The following BTBD9 variants were observed in gnomAD, a reference collection of about 807,000 sequenced individuals.
BTBD9 encodes the protein BTB domain containing 9.
In BTBD9, 49 loss-of-function variants were observed where a neutral mutation model predicts 64.3. The observed-to-expected ratio is 0.76, with a 90% CI of 0.61 to 0.97. The LOEUF is 0.97. Among genes scored for constraint, BTBD9 ranks in the 50% least tolerant of loss-of-function variants. The probability of loss-of-function intolerance (pLI) is 0.00; values close to 1 mark genes in which losing one functional copy is unlikely to be tolerated. For missense variants in BTBD9, 598 were observed against 762.1 expected (o/e 0.78, Z 2.53); for synonymous variants, 260 against 274.7 (o/e 0.95, Z 0.53).
At chr6:38,369,956 G>T (rs1012044550) in intron 6 of BTBD9, among the ~76,000 whole-genome samples, 7 of 151,976 alleles carry the variant, frequency 4.6e-5, no homozygotes, top group Non-Finnish European at 8.8e-5. Flanking sequence ...TGACAGAGAG[G>T]AGACTACACA....
chr6:38,335,891 A>G (rs1156354479), intron 7 of BTBD9, among the ~76,000 whole-genome samples: 4 of 151,778 alleles, frequency 2.6e-5, no homozygotes, highest in Non-Finnish European at 5.9e-5. Flanking sequence ...CCGCCACCAC[A>G]CCTGGCTAAT....
At chr6:38,211,935 T>C (rs1393988553) in intron 9 of BTBD9, among the ~76,000 whole-genome samples, 4 of 152,228 alleles carry the variant, frequency 2.6e-5, no homozygotes, top group Non-Finnish European at 5.9e-5. Flanking sequence ...CACCACTGTG[T>C]TGAGTCCACC....
chr6:38,522,754 T>A (rs189520015), intron 6 of BTBD9, among the ~76,000 whole-genome samples: 1 of 152,138 alleles, frequency 6.6e-6, no homozygotes, highest in Admixed American at 6.5e-5. Context: ...GGATTTCCAA[T>A]TGGCCTTTCA....
At chr6:38,482,466 T>G (rs1771199440) in intron 6 of BTBD9, 2 of 151,860 alleles carry the variant, frequency 1.3e-5, no homozygotes, top group African/African-American at 4.8e-5. Context: ...TCAGTAACAA[T>G]GTATTCCACT....
At chr6:38,292,644 C>T (rs2127558044) in intron 7 of BTBD9, among the ~76,000 whole-genome samples, 1 of 152,284 alleles carries the variant, frequency 6.6e-6, no homozygotes, top group East Asian at 1.9e-4. Flanking sequence ...GTTTATATTT[C>T]TGTGGGATCA....
At chr6:38,451,289 C>G (rs1769532034) in intron 6 of BTBD9, among the ~76,000 whole-genome samples, 1 of 152,182 alleles carries the variant, frequency 6.6e-6, no homozygotes, top group Non-Finnish European at 1.5e-5. Context: ...CAAATACTTG[C>G]TCAATGAATA....
chr6:38,188,770 A>T (rs1378005315), intron 10 of BTBD9, among the ~76,000 whole-genome samples: 1 of 152,172 alleles, frequency 6.6e-6, no homozygotes, highest in Admixed American at 6.5e-5. Flanking sequence ...GGAGGTCATG[A>T]AGGTGAAACC....
At chr6:38,218,403 G>A (rs1371808443) in intron 9 of BTBD9, among the ~76,000 whole-genome samples, 1 of 152,052 alleles carries the variant, frequency 6.6e-6, no homozygotes, top group Non-Finnish European at 1.5e-5. Flanking sequence ...AACCCTCTTT[G>A]TGCTGCAGTC....
chr6:38,493,927 G>A (rs1279926883), intron 6 of BTBD9, among the ~76,000 whole-genome samples: 1 of 152,208 alleles, frequency 6.6e-6, no homozygotes, highest in Non-Finnish European at 1.5e-5. Flanking sequence ...ACACATTTGA[G>A]TAAATTACAC....
At chr6:38,215,474 C>T (rs183796375) in intron 9 of BTBD9, among the ~76,000 whole-genome samples, 4 of 152,322 alleles carry the variant, frequency 2.6e-5, no homozygotes, top group Admixed American at 2.6e-4. Flanking sequence ...GAGCACTCAT[C>T]CCCTCAAGAG....
chr6:38,222,819 C>A lies in BTBD9; in HGVS notation c.1563-30222G>T, dbSNP rs546917456. Among the ~76,000 whole-genome samples the A allele has an allele frequency of 2.0e-5, 3 of 152,290 alleles. No homozygotes were observed. The East Asian group carries it at 5.8e-4, about 29-fold the overall frequency. On this transcript the variant is annotated intron_variant, in intron 9 of 10. Coordinates refer to ENST00000481247, the MANE Select transcript of BTBD9 (RefSeq NM_001099272.2). ...TTTAGAGCTAAACATGTTATACACA[C>A]GAAAGGAGGTTTGTAGCCTCACATG...
At chr6:38,216,735 A>G (rs569135223) in intron 9 of BTBD9, among the ~76,000 whole-genome samples, 2 of 152,310 alleles carry the variant, frequency 1.3e-5, no homozygotes, top group East Asian at 3.9e-4. Context: ...TGAGGAATAC[A>G]GCAACCACCT....
rs1766728488 is a variant in BTBD9 at position 38,170,914 on chromosome 6, G to A, written c.*4071C>T. The A allele has an allele frequency of 6.6e-6, 1 of 152,258 alleles. No individual in the cohort carries two copies. Among genetic ancestry groups the A allele is most frequent in the African/African-American group, 2.4e-5 (1 of 41,482 alleles). The allele number at this position is 152,258 out of a possible 1,614,324, so 9.4% of individuals were successfully genotyped here. ...ACCTGGGCATCGCTCGGAGGAGCTG[G>A]TCACCACATAGAAGGTAAGATTAAA... On this transcript the variant is annotated 3_prime_UTR_variant, in exon 11 of 11. Coordinates refer to ENST00000481247, the MANE Select transcript of BTBD9 (RefSeq NM_001099272.2).
intron 6 of BTBD9, among the ~76,000 whole-genome samples, chr6:38,409,225 G>A (rs1562143065): frequency 6.6e-6 from 1 of 152,152 alleles, no homozygotes; most frequent in Non-Finnish European, 1.5e-5. Flanking sequence ...ACTCCAGCCT[G>A]GGTGACAGAG....
At chr6:38,292,826 T>C (rs1038673341) in intron 7 of BTBD9, among the ~76,000 whole-genome samples, 1 of 152,216 alleles carries the variant, frequency 6.6e-6, no homozygotes, top group Admixed American at 6.5e-5. Flanking sequence ...CCTTCAGTTC[T>C]GCTCTCCTCT....
chr6:38,600,543 T>C (rs1237350610), intron 1 of BTBD9, among the ~76,000 whole-genome samples: 1 of 152,126 alleles, frequency 6.6e-6, no homozygotes, highest in East Asian at 1.9e-4. Context: ...CAATACAAAC[T>C]CTCACATCAC....
chr6:38,193,807 G>A (rs561352333), intron 9 of BTBD9: 4 of 985,128 alleles, frequency 4.1e-6, no homozygotes, highest in Non-Finnish European at 4.8e-6. Flanking sequence ...ATATGTATTT[G>A]CAGTTTGTTT....
chr6:38,298,716 T>C (rs1024271523), intron 7 of BTBD9, among the ~76,000 whole-genome samples: 4 of 152,186 alleles, frequency 2.6e-5, no homozygotes, highest in African/African-American at 9.6e-5. Context: ...CTTTACTCTC[T>C]ACCTCCATGA....
At chr6:38,555,906 A>G (rs1774990594) in intron 6 of BTBD9, among the ~76,000 whole-genome samples, 1 of 152,210 alleles carries the variant, frequency 6.6e-6, no homozygotes, top group East Asian at 1.9e-4. Flanking sequence ...CTGATTTTAC[A>G]TCTTCCGAAC....
Sources: gnomAD v4.1 joint callset for allele counts (sites outside exome capture counted in the v4.1 genomes callset) on GRCh38, gnomAD v4.1.1 for gene constraint, MANE v1.5 for transcripts, NCBI Gene and HGNC (gene_info 2026-07-23, HGNC 2026-07-21) for gene names.